Variants in ZNF844 observed in about 807,000 individuals in gnomAD.
ZNF844 encodes zinc finger protein 844.
A neutral mutation model predicts 11.4 loss-of-function variants in ZNF844; 11 were observed. The observed-to-expected ratio is 0.97, with a 90% CI of 0.61 to 1.60. The LOEUF is 1.60. Ranked by LOEUF, ZNF844 falls within the 40% of genes most tolerant of loss-of-function variation. ZNF844 has a pLI of 0.00. For synonymous variants in ZNF844, 248 were observed against 260.3 expected (o/e 0.95, Z 0.46); for missense variants, 790 against 796.8 (o/e 0.99, Z 0.10).
intron 1 of ZNF844, among the ~76,000 whole-genome samples, chr19:12,068,375 C>T (rs1386847335): frequency 6.6e-6 from 1 of 152,114 alleles, no homozygotes; most frequent in African/African-American, 2.4e-5. Context: ...CGCCTGTAAA[C>T]CCAGCACCTT....
intron 1 of ZNF844, among the ~76,000 whole-genome samples, chr19:12,067,313 C>A (rs2145541251): frequency 6.6e-6 from 1 of 152,072 alleles, no homozygotes; most frequent in South Asian, 2.1e-4. Context: ...GACCCTGTCT[C>A]AAAAATAAGA....
intron 1 of ZNF844, among the ~76,000 whole-genome samples, chr19:12,067,607 C>CA (rs772282496): frequency 0.035 from 1,291 of 37,316 alleles, 133 homozygotes; most frequent in Non-Finnish European, 0.055. Context: ...AACTCTGTCT[C>CA]AAAAAAAAAA....
chr19:12,069,912 G>A (rs1285937594), intron 1 of ZNF844, among the ~76,000 whole-genome samples: 5 of 140,446 alleles, frequency 3.6e-5, no homozygotes, highest in South Asian at 2.3e-4. Context: ...CCAAGTTTGC[G>A]CCAACTGCAC....
intron 1 of ZNF844, among the ~76,000 whole-genome samples, chr19:12,070,848 T>C (rs1028444732): frequency 2.0e-5 from 3 of 152,130 alleles, no homozygotes; most frequent in African/African-American, 4.8e-5. Flanking sequence ...AAGAGCAAGG[T>C]ACCGTAGAGG....
At chr19:12,071,894 T>C (rs572665023) in intron 1 of ZNF844, among the ~76,000 whole-genome samples, 2 of 151,092 alleles carry the variant, frequency 1.3e-5, no homozygotes, top group African/African-American at 4.9e-5. Flanking sequence ...TTTTTTTTTT[T>C]TTTGTTTGTT....
intron 1 of ZNF844, among the ~76,000 whole-genome samples, chr19:12,068,272 G>A (rs1375068575): frequency 6.6e-6 from 1 of 152,128 alleles, no homozygotes; most frequent in Non-Finnish European, 1.5e-5. Context: ...TCATGCCACT[G>A]GACTTCAGCC....
chr19:12,077,594 T>G lies in ZNF844; in HGVS notation c.*473T>G, dbSNP rs991038606. The G allele has an allele frequency of 2.3e-5, 13 of 568,926 alleles. No homozygotes were observed. The African/African-American group carries it at 2.5e-4, about 11-fold the overall frequency. 35.2% of individuals were successfully genotyped at this position (568,926 alleles called of 1,614,324 possible). ...AAGCCTTCAGATCTGCCACTCAACT[T>G]CAGATGCATAGAAAGATTCACACTG... On this transcript the variant is annotated 3_prime_UTR_variant, in exon 4 of 4. Transcript: ENST00000439326.
At chr19:12,073,375 C>T (rs555466467) in intron 1 of ZNF844, among the ~76,000 whole-genome samples, 10 of 152,090 alleles carry the variant, frequency 6.6e-5, no homozygotes, top group African/African-American at 1.9e-4. Flanking sequence ...AGGCTGGTCT[C>T]GAACTCCTGA....
At chr19:12,069,003 G>T (rs951825247) in intron 1 of ZNF844, among the ~76,000 whole-genome samples, 1 of 152,184 alleles carries the variant, frequency 6.6e-6, no homozygotes, top group African/African-American at 2.4e-5. Flanking sequence ...ACCATGGGAG[G>T]AGCCCTTTAT....
rs189035994 is a variant in ZNF844, at chr19:12,064,757, G to A, written c.-117G>A. ...GTCTTTGGCCCCTCCCGCCGGGTGA[G>A]GTTGGCACCCCGTTTTTCCTGCTCT... On this transcript the variant is annotated 5_prime_UTR_variant, in exon 1 of 4. Transcript: ENST00000439326. 1.8e-6 allele frequency: 2 copies of A among 1,135,330 alleles called. No individual in the cohort carries two copies. Among genetic ancestry groups the A allele is most frequent in the Admixed American group, 2.4e-5 (1 of 42,088 alleles). The allele number at this position is 1,135,330 out of a possible 1,614,324, so 70.3% of individuals were successfully genotyped here. A position where few individuals can be genotyped will look rare whatever the true frequency, so the allele number is the denominator to read the frequency against.
intron 1 of ZNF844, among the ~76,000 whole-genome samples, chr19:12,069,178 C>CGTTTTTTTTTTTTTTTTTTTTTTTTTT (rs760998604): frequency 7.3e-6 from 1 of 137,476 alleles, no homozygotes. Context: ...TTCTTTTATT[C>CGTTTTTTTTTTTTTTTTTTTTTTTTTT]CTTTTTTTTT....
chr19:12,071,334 G>A (rs780846226), intron 1 of ZNF844, among the ~76,000 whole-genome samples: 6 of 152,084 alleles, frequency 3.9e-5, no homozygotes, highest in Non-Finnish European at 7.3e-5. Context: ...TAATCCTAAT[G>A]TAACATCATA....
rs937644210 is a variant in ZNF844 at position 12,077,717 on chromosome 19, T to C, written c.*596T>C. 6.8e-6 allele frequency: 3 copies of C among 438,300 alleles called. No individual in the cohort carries two copies. The highest frequency in any genetic ancestry group is 5.9e-5 in the Admixed American group (2 of 33,858). 27.2% of individuals were successfully genotyped at this position (438,300 alleles called of 1,614,324 possible). A position where few individuals can be genotyped will look rare whatever the true frequency, so the allele number is the denominator to read the frequency against. On this transcript the variant is annotated 3_prime_UTR_variant, in exon 4 of 4. Coordinates refer to ENST00000439326, the MANE Select transcript of ZNF844 (RefSeq NM_001136501.3). ...GGACTCACACTGTAGAGCAACCCTATGAATATAAGCAATATGGGAAAGCCT... is the reference window on the plus strand; with the variant it reads ...GGACTCACACTGTAGAGCAACCCTACGAATATAAGCAATATGGGAAAGCCT...
chr19:12,076,032 T>C lies in ZNF844; in HGVS notation c.912T>C (p.Ser304=). 2 of 1,568,606 alleles carry C rather than the reference T, an allele frequency of 1.3e-6. No individual in the cohort carries two copies. Among genetic ancestry groups the C allele is most frequent in the Non-Finnish European group, 1.7e-6 (2 of 1,156,292 alleles). The part of the protein sequence containing the change: ...HSFQIHERTH[S]EEKAYECTKC... Reference sequence around the variant, plus strand: ...TTCAAATACATGAAAGAACTCACAGTGAGGAGAAGGCTTATGAATGTACCA... The same window carrying C: ...TTCAAATACATGAAAGAACTCACAGCGAGGAGAAGGCTTATGAATGTACCA... The change falls in exon 4 of 4, where the codon AGT becomes AGC. Residue 304 remains serine, a synonymous_variant. Coordinates refer to ENST00000439326, the MANE Select transcript of ZNF844 (RefSeq NM_001136501.3).
At chr19:12,066,707 C>T (rs560091000) in intron 1 of ZNF844, among the ~76,000 whole-genome samples, 122 of 151,462 alleles carry the variant, frequency 8.1e-4, no homozygotes, top group Middle Eastern at 6.8e-3. Context: ...CCACCAAGCC[C>T]GGCTAATTTT....
In ZNF844 at chr19:12,075,473, T is replaced by A. The variant is rs1434546970; in HGVS notation, c.353T>A (p.Leu118His). 4.3e-6 allele frequency: 7 copies of A among 1,613,108 alleles called. No individual in the cohort carries two copies. Among genetic ancestry groups the A allele is most frequent in the Non-Finnish European group, 5.9e-6 (7 of 1,179,772 alleles). ...GAAGTCTTCGTGGGTCATTCTTCCC[T>A]TAATAGGCACATTAGAGCTGACACT... is the stretch of plus-strand genomic sequence containing the variant. ...CGEVFVGHSS[L>H]NRHIRADTAH... Residue 118 changes from leucine to histidine, a missense_variant, in exon 4 of 4, where the codon CTT becomes CAT. By Grantham distance (99) the Leu-to-His change is moderately conservative. Around this residue, in one of 3 missense-constraint regions of ZNF844, gnomAD observed 129 missense variants for 144.0 expected, o/e 0.90. Coordinates refer to ENST00000439326, the MANE Select transcript of ZNF844 (RefSeq NM_001136501.3).
chr19:12,076,874 C>T lies in ZNF844; in HGVS notation c.1754C>T (p.Pro585Leu). Reference protein sequence around the residue: ...YMQQCTEDRMPMNVKSVTKHS... With the variant: ...YMQQCTEDRMLMNVKSVTKHS... ...CAACAATGCACAGAGGACAGAATGC[C>T]TATGAATGTAAAGAGTGTGACAAAG... The change falls in exon 4 of 4, where the codon CCT becomes CTT. Residue 585 changes from proline (P) to leucine (L), a missense_variant. Physicochemically the swap from Pro to Leu is moderately conservative, Grantham distance 98 (BLOSUM62 -3). Around this residue, in one of 3 missense-constraint regions of ZNF844, gnomAD observed 657 missense variants for 636.2 expected, o/e 1.03. Coordinates refer to ENST00000439326, the MANE Select transcript of ZNF844 (RefSeq NM_001136501.3). The T allele has an allele frequency of 6.4e-7, 1 of 1,567,476 alleles. No individual in the cohort carries two copies. The highest frequency in any genetic ancestry group is 8.6e-7 in the Non-Finnish European group (1 of 1,156,098).
chr19:12,074,415 A>G lies in ZNF844; in HGVS notation c.185A>G (p.Asn62Ser). The change falls in exon 3 of 4, where the codon AAT (asparagine) becomes AGT (serine). Residue 62 changes from asparagine (N) to serine (S), a missense_variant. Around this residue, in one of 3 missense-constraint regions of ZNF844, gnomAD observed 129 missense variants for 144.0 expected, o/e 0.90. Coordinates refer to ENST00000439326, the MANE Select transcript of ZNF844 (RefSeq NM_001136501.3). ...GATCAGTACAAAAATCCCAGGAATA[A>G]TCTAAGGTGATTTAAACTCACGAGA... is the stretch of plus-strand genomic sequence containing the variant. ...IEDQYKNPRNNLRSLLGERVD... is the reference protein window; with the variant it reads ...IEDQYKNPRNSLRSLLGERVD... The G allele has an allele frequency of 2.6e-6, 4 of 1,536,642 alleles. No individual in the cohort carries two copies. The highest frequency in any genetic ancestry group is 3.5e-6 in the Non-Finnish European group (4 of 1,142,100).
intron 1 of ZNF844, among the ~76,000 whole-genome samples, chr19:12,071,341 C>T (rs1055752885): frequency 6.6e-6 from 1 of 152,122 alleles, no homozygotes; most frequent in African/African-American, 2.4e-5. Context: ...AATGTAACAT[C>T]ATATACGTTT....
Sources: gnomAD v4.1 joint callset for allele counts (sites outside exome capture counted in the v4.1 genomes callset) on GRCh38, gnomAD v4.1.1 for gene constraint, gnomAD v4.1.1 regional missense constraint, MANE v1.5 for transcripts, NCBI Gene and HGNC (gene_info 2026-07-23, HGNC 2026-07-21) for gene names.